The following RFTN1 variants were observed in gnomAD, a reference collection of about 807,000 sequenced individuals.
The protein encoded by RFTN1 is raftlin.
A neutral mutation model predicts 46.5 loss-of-function variants in RFTN1; 26 were observed. The observed-to-expected ratio is 0.56, with a 90% CI of 0.41 to 0.78. The LOEUF is 0.78. RFTN1 is among the 30% of genes least tolerant of loss of function. The pLI, the probability that RFTN1 is intolerant of heterozygous loss-of-function variation, is 0.00. For synonymous variants in RFTN1, 261 were observed against 284.2 expected, an observed-to-expected ratio of 0.92 and a Z score of 0.82; for missense variants, 693 against 718.7, an observed-to-expected ratio of 0.96 and a Z score of 0.41.
intron 2 of RFTN1, among the ~76,000 whole-genome samples, chr3:16,462,987 A>C (rs1158890373): frequency 6.6e-6 from 1 of 152,234 alleles, no homozygotes; most frequent in Non-Finnish European, 1.5e-5. Flanking sequence ...AAGGATACAC[A>C]AGGGTTCGGG....
Position 16,504,299 on chromosome 3 carries a change from G to A in RFTN1, c.-9+9143C>T, listed in dbSNP as rs114359362. Among the ~76,000 whole-genome samples, 399 of 152,286 alleles carry A rather than the reference G, an allele frequency of 2.6e-3. 1 individual carries two copies. The highest frequency in any genetic ancestry group is 8.7e-3 in the African/African-American group (360 of 41,540). Reference sequence around the variant, plus strand: ...AACCACAATTACTTGCTAATGGGATGTGTGCATCTGTTGGACACTGAGCAA... The same window carrying A: ...AACCACAATTACTTGCTAATGGGATATGTGCATCTGTTGGACACTGAGCAA... On this transcript the variant is annotated intron_variant, in intron 1 of 9. Coordinates refer to ENST00000334133, the MANE Select transcript of RFTN1 (RefSeq NM_015150.2). The surrounding 1 kb of genome is among the most constrained non-coding windows in gnomAD (Gnocchi z 4.4).
chr3:16,406,467 A>G (rs1354789498), intron 4 of RFTN1, among the ~76,000 whole-genome samples: 2 of 152,202 alleles, frequency 1.3e-5, no homozygotes, highest in Non-Finnish European at 2.9e-5. Context: ...ATTTCTGTTT[A>G]GAGGAACAGA....
intron 3 of RFTN1, among the ~76,000 whole-genome samples, chr3:16,414,281 T>C (rs907708316): frequency 7.3e-6 from 1 of 137,066 alleles, no homozygotes; most frequent in African/African-American, 2.7e-5. Flanking sequence ...GTATGCCCAA[T>C]GGTGGGAAGT....
rs1232179795 is a variant in RFTN1, at chr3:16,475,801, T to A, written c.145+17924A>T. ...AAAAGCCAAGTCCCAGCAGTCACGGTTTCCATATTGAAGCAATGTTAATTC... is the reference window on the plus strand; with the variant it reads ...AAAAGCCAAGTCCCAGCAGTCACGGATTCCATATTGAAGCAATGTTAATTC... On this transcript the variant is annotated intron_variant, in intron 2 of 9. Coordinates refer to ENST00000334133, the MANE Select transcript of RFTN1 (RefSeq NM_015150.2). The surrounding 1 kb of genome is among the most constrained non-coding windows in gnomAD (Gnocchi z 4.2). 6.6e-6 allele frequency among the ~76,000 whole-genome samples: 1 copy of A among 152,168 alleles called. No individual in the cohort carries two copies. The highest frequency in any genetic ancestry group is 1.5e-5 in the Non-Finnish European group (1 of 68,026).
In RFTN1 at chr3:16,452,667, A is replaced by G. The variant is rs1018534821; in HGVS notation, c.146-18630T>C. Among the ~76,000 whole-genome samples the G allele has an allele frequency of 1.3e-5, 2 of 152,206 alleles. No homozygotes were observed. Among genetic ancestry groups the G allele is most frequent in the South Asian group, 4.1e-4 (2 of 4,824 alleles). ...TGATTTACTGACCAATTATGGTCTC[A>G]ACTGTGACAGTGAAGGAGTGGTCAG... On this transcript the variant is annotated intron_variant, in intron 2 of 9. Coordinates refer to ENST00000334133, the MANE Select transcript of RFTN1 (RefSeq NM_015150.2). This position sits in a 1 kb window ranked among gnomAD's most constrained non-coding sequence, Gnocchi z 6.3.
intron 2 of RFTN1, among the ~76,000 whole-genome samples, chr3:16,464,638 C>T (rs1199541336): frequency 6.6e-6 from 1 of 152,246 alleles, no homozygotes; most frequent in East Asian, 1.9e-4. Flanking sequence ...CAGTGTTGGG[C>T]AAACTATGGC....
intron 2 of RFTN1, among the ~76,000 whole-genome samples, chr3:16,438,231 A>G (rs1264273606): frequency 6.6e-6 from 1 of 152,142 alleles, no homozygotes; most frequent in Non-Finnish European, 1.5e-5. Flanking sequence ...TAATTTATAC[A>G]TTTGTTTCCT....
Position 16,468,200 on chromosome 3 carries a change from G to A in RFTN1, c.145+25525C>T, listed in dbSNP as rs974700078. 9.2e-5 allele frequency among the ~76,000 whole-genome samples: 14 copies of A among 152,254 alleles called. No homozygotes were observed. Among genetic ancestry groups the A allele is most frequent in the Non-Finnish European group, 1.3e-4 (9 of 68,028 alleles). On this transcript the variant is annotated intron_variant, in intron 2 of 9. Transcript: ENST00000334133. The surrounding 1 kb of genome is among the most constrained non-coding windows in gnomAD (Gnocchi z 4.4). ...CACTTCACTCTCTAGAAATTCCGTC[G>A]GCTTAATTTATGTGGCTCATTCCTC...
chr3:16,330,674 A>G (rs756998763), intron 7 of RFTN1, among the ~76,000 whole-genome samples: 2 of 152,188 alleles, frequency 1.3e-5, no homozygotes, highest in African/African-American at 2.4e-5. Context: ...TGGTTTTTCA[A>G]CTCGTATAAA....
chr3:16,486,002 G>A (rs1212874650), intron 2 of RFTN1, among the ~76,000 whole-genome samples: 1 of 152,166 alleles, frequency 6.6e-6, no homozygotes, highest in African/African-American at 2.4e-5. Context: ...GAATCATCAA[G>A]TGAGAGCATT....
chr3:16,480,485 C>T lies in RFTN1; in HGVS notation c.145+13240G>A, dbSNP rs983785920. On this transcript the variant is annotated intron_variant, in intron 2 of 9. Transcript: ENST00000334133. This position sits in a 1 kb window ranked among gnomAD's most constrained non-coding sequence, Gnocchi z 4.3. ...GTACTCCTTGCCCATGTAATTTTTACTTATCAGGAGCCCTGACCTGTAAAC... is the reference window on the plus strand; with the variant it reads ...GTACTCCTTGCCCATGTAATTTTTATTTATCAGGAGCCCTGACCTGTAAAC... Among the ~76,000 whole-genome samples the T allele has an allele frequency of 5.3e-5, 8 of 152,164 alleles. No homozygotes were observed. The highest frequency in any genetic ancestry group is 1.9e-4 in the African/African-American group (8 of 41,432).
intron 1 of RFTN1, among the ~76,000 whole-genome samples, chr3:16,502,985 GAGCTGACTCTTC>G (rs937172451): frequency 6.6e-6 from 1 of 152,190 alleles, no homozygotes; most frequent in African/African-American, 2.4e-5. Context: ...GAGTGGTTGA[GAGCTGACTCTTC>G]AGCGGCCAAG....
chr3:16,404,671 A>G (rs2074808776), intron 4 of RFTN1, among the ~76,000 whole-genome samples: 1 of 151,780 alleles, frequency 6.6e-6, no homozygotes, highest in South Asian at 2.1e-4. Context: ...GCATGCCAGC[A>G]ACGGCACAGA....
rs924799877 is a variant in RFTN1 at position 16,459,938 on chromosome 3, G to A, written c.146-25901C>T. Among the ~76,000 whole-genome samples the A allele has an allele frequency of 1.3e-5, 2 of 152,128 alleles. No individual in the cohort carries two copies. Among genetic ancestry groups the A allele is most frequent in the Non-Finnish European group, 2.9e-5 (2 of 68,024 alleles). ...AACTGGAAAACTAAGAAAATTAAAT[G>A]TGATTTTTTTCTTCTCAGATAACTG... On this transcript the variant is annotated intron_variant, in intron 2 of 9. Coordinates refer to ENST00000334133, the MANE Select transcript of RFTN1 (RefSeq NM_015150.2). This position sits in a 1 kb window ranked among gnomAD's most constrained non-coding sequence, Gnocchi z 4.2.
chr3:16,493,999 A>G, intron 1 of RFTN1, 122 bp from the exon 2 acceptor site: 1 of 1,058,978 alleles, frequency 9.4e-7, no homozygotes, highest in Non-Finnish European at 1.4e-6. Flanking sequence ...AGCCCTTATG[A>G]AACTGAGAGT....
chr3:16,360,882 A>T (rs775757749), intron 6 of RFTN1, among the ~76,000 whole-genome samples: 9 of 152,240 alleles, frequency 5.9e-5, no homozygotes, highest in Non-Finnish European at 1.2e-4. Context: ...CTAGGATATA[A>T]AACTGCCACA....
rs760698934 is a variant in RFTN1, at chr3:16,447,564, C to T, written c.146-13527G>A. The stretch of plus-strand genomic sequence containing the variant: ...GTTCCCACTAAAGAAAACGGGGTCC[C>T]TAATGGTGTTTGGGGGCACATGCAC... On this transcript the variant is annotated intron_variant, in intron 2 of 9. Transcript: ENST00000334133. The surrounding 1 kb of genome is among the most constrained non-coding windows in gnomAD (Gnocchi z 5.9). Among the ~76,000 whole-genome samples the T allele has an allele frequency of 6.6e-6, 1 of 152,150 alleles. No homozygotes were observed. The highest frequency in any genetic ancestry group is 2.4e-5 in the African/African-American group (1 of 41,438).
intron 2 of RFTN1, among the ~76,000 whole-genome samples, chr3:16,434,538 G>A (rs2125497628): frequency 6.6e-6 from 1 of 152,000 alleles, no homozygotes; most frequent in Non-Finnish European, 1.5e-5. Context: ...CTGGGCAACA[G>A]AGCAAGCCAC....
chr3:16,435,917 A>ATATATAT (rs2075501448), intron 2 of RFTN1, among the ~76,000 whole-genome samples: 3 of 142,370 alleles, frequency 2.1e-5, no homozygotes, highest in African/African-American at 7.9e-5. Context: ...CAGAGATGTA[A>ATATATAT]ATATATATAT....
Sources: allele counts gnomAD v4.1 joint callset (sites outside exome capture counted in the v4.1 genomes callset), GRCh38; gene constraint gnomAD v4.1.1; non-coding constraint Gnocchi (gnomAD v3.1); transcripts MANE v1.5; gene names NCBI Gene and HGNC (gene_info 2026-07-23, HGNC 2026-07-21).